The following XIST variants were observed in gnomAD, a reference collection of about 807,000 sequenced individuals.
The protein encoded by XIST is X inactive specific transcript (non-protein coding).
intron 1 of XIST, among the ~76,000 whole-genome samples, chrX:73,838,519 T>C (rs1485300763): frequency 9.0e-6 from 1 of 111,406 alleles, no homozygotes; most frequent in Admixed American, 9.6e-5. Flanking sequence ...AAGTTATTTC[T>C]AATATAAACA....
At chrX:73,843,500 T>C (rs757357004) in exon 1 of XIST, 4 of 558,635 alleles carry the variant, frequency 7.2e-6, no homozygotes, top group Non-Finnish European at 1.3e-5. Context: ...ATGACATTAA[T>C]ATTAAAAGAA....
exon 6 of XIST, chrX:73,821,347 G>T: frequency 1.8e-6 from 1 of 553,309 alleles, no homozygotes. Flanking sequence ...GAACTACAAT[G>T]AACAATAAAG....
exon 6 of XIST, chrX:73,825,628 G>C (rs1250369208): frequency 7.8e-6 from 4 of 511,904 alleles, no homozygotes; most frequent in Non-Finnish European, 1.4e-5. Flanking sequence ...GAATGATTTT[G>C]ACCTTATAAA....
At chrX:73,839,160 T>C (rs1922542828) in intron 1 of XIST, among the ~76,000 whole-genome samples, 1 of 111,451 alleles carries the variant, frequency 9.0e-6, no homozygotes, top group South Asian at 3.8e-4. Flanking sequence ...ACAAACACCC[T>C]GAAAAGAAAT....
At chrX:73,852,536 CAAG>C in exon 1 of XIST, 2 of 527,321 alleles carry the variant, frequency 3.8e-6, no homozygotes, top group Non-Finnish European at 6.7e-6. Flanking sequence ...GAGGACGTGT[CAAG>C]AAGACACTAG....
chrX:73,841,581 C>T (rs765961631), exon 1 of XIST: 13 of 556,849 alleles, frequency 2.3e-5, no homozygotes, highest in Non-Finnish European at 3.6e-5. Context: ...TGCCACAAAA[C>T]ACCCTGTACA....
At chrX:73,827,341 A>T in exon 6 of XIST, 1 of 558,719 alleles carries the variant, frequency 1.8e-6, no homozygotes, top group Non-Finnish European at 3.2e-6. Context: ...TTAAGGAGAG[A>T]TTACATGAAA....
chrX:73,825,293 A>G (rs764378783), exon 6 of XIST: 3 of 557,758 alleles, frequency 5.4e-6, no homozygotes, highest in African/African-American at 2.2e-5. Flanking sequence ...TATACATATA[A>G]TTTATTCATT....
chrX:73,850,209 C>T (rs1293572603), exon 1 of XIST: 1 of 550,260 alleles, frequency 1.8e-6, no homozygotes, highest in Non-Finnish European at 3.3e-6. Flanking sequence ...ATAGTTAAGT[C>T]AATTTCAAAG....
exon 1 of XIST, chrX:73,846,204 C>G: frequency 1.8e-6 from 1 of 558,630 alleles, no homozygotes; most frequent in Non-Finnish European, 3.2e-6. Context: ...CCTTGGTGAT[C>G]AGCACCCCTG....
Position 73,837,383 on chromosome X carries a change from TAGTC to T in XIST, n.11406+53_11406+56del, listed in dbSNP as rs1481456187. On this transcript the variant is annotated intron_variant and non_coding_transcript_variant, in intron 2 of 5. Coordinates refer to ENST00000429829, the Ensembl canonical transcript of XIST. The stretch of plus-strand genomic sequence containing the variant: ...GACATTCTATAGAATACTGGACCAT[TAGTC>T]CTCAAAACTGTGAAGTTCATCAAAA... The T allele has an allele frequency of 2.4e-4, 108 of 459,204 alleles. No homozygotes were observed. In the African/African-American group the frequency reaches 2.5e-3, roughly 11 times the overall value. The allele number at this position is 459,204 out of a possible 1,213,427, so 37.8% of individuals were successfully genotyped here.
At chrX:73,839,506 C>T (rs978058111) in intron 1 of XIST, among the ~76,000 whole-genome samples, 8 of 111,268 alleles carry the variant, frequency 7.2e-5, no homozygotes, top group African/African-American at 2.6e-4. Context: ...TGATGGTGAT[C>T]TGAACCAAAC....
chrX:73,830,292 T>C (rs1922353918), intron 4 of XIST, among the ~76,000 whole-genome samples: 1 of 112,332 alleles, frequency 8.9e-6, no homozygotes, highest in Admixed American at 9.4e-5. Flanking sequence ...AGTAACTCTC[T>C]ATTTCTAAAT....
At chrX:73,846,844 C>A (rs749636079) in exon 1 of XIST, 3 of 557,169 alleles carry the variant, frequency 5.4e-6, no homozygotes, top group African/African-American at 4.5e-5. Flanking sequence ...GAGAAAGGGG[C>A]CTTAAGTGAA....
chrX:73,844,845 G>A (rs771518578), exon 1 of XIST: 16 of 557,534 alleles, frequency 2.9e-5, no homozygotes, highest in South Asian at 1.1e-4. Context: ...GCATGGCTGC[G>A]GTCACTTAGA....
exon 4 of XIST, chrX:73,831,081 T>C (rs769511839): frequency 1.8e-5 from 10 of 556,419 alleles, no homozygotes; most frequent in East Asian, 1.6e-4. Flanking sequence ...CGTGTGGTGG[T>C]TGTTTTTGAG....
At chrX:73,826,638 T>G (rs745539689) in exon 6 of XIST, 5 of 557,542 alleles carry the variant, frequency 9.0e-6, no homozygotes, top group African/African-American at 4.5e-5. Flanking sequence ...AGGTAGGGTT[T>G]AGGGTTCTCA....
At chrX:73,824,481 T>C (rs1340582133) in exon 6 of XIST, 1 of 558,044 alleles carries the variant, frequency 1.8e-6, no homozygotes, top group Non-Finnish European at 3.2e-6. Context: ...AAATTTTCAG[T>C]GCCTTTAACA....
At chrX:73,843,646 C>A (rs763006763) in exon 1 of XIST, 9 of 556,758 alleles carry the variant, frequency 1.6e-5, no homozygotes, top group Non-Finnish European at 2.6e-5. Flanking sequence ...TGAATATCAT[C>A]CCCCTGCTCT....
Sources: gnomAD v4.1 joint callset for allele counts (sites outside exome capture counted in the v4.1 genomes callset) on GRCh38, gnomAD v4.1.1 for gene constraint, MANE v1.5 for transcripts, NCBI Gene and HGNC (gene_info 2026-07-23, HGNC 2026-07-21) for gene names.